SLC5A5: variants seen among roughly 807,000 people sequenced by gnomAD.
The protein encoded by SLC5A5 is sodium/iodide cotransporter.
SLC5A5 carries 56 observed loss-of-function variants against 68.6 expected under a neutral mutation model. The ratio of observed to expected loss-of-function variants is 0.82; its 90% CI spans 0.66 to 1.02. The LOEUF (loss-of-function observed/expected upper bound fraction) is 1.02. SLC5A5 is among the 50% of genes least tolerant of loss of function. SLC5A5 has a pLI of 0.00. For missense variants in SLC5A5, 807 were observed against 859.8 expected (o/e 0.94, Z 0.77); for synonymous variants, 398 against 373.0 (o/e 1.07, Z -0.77).
In SLC5A5 at chr19:17,883,784, C is replaced by T; in HGVS notation, c.1329+17C>T. On this transcript the variant is annotated intron_variant, in intron 11 of 14. Coordinates refer to ENST00000222248, the MANE Select transcript of SLC5A5 (RefSeq NM_000453.3). ...AACACACCGGTGAGTGGGGGCGGGG[C>T]AAGGGGCGGGGAGGGGCGGGGCCGG... is the stretch of plus-strand genomic sequence containing the variant. 8.9e-7 allele frequency: 1 copy of T among 1,119,458 alleles called. No homozygotes were observed. The highest frequency in any genetic ancestry group is 1.3e-6 in the Non-Finnish European group (1 of 775,190). 69.3% of individuals were successfully genotyped at this position (1,119,458 alleles called of 1,614,324 possible).
intron 1 of SLC5A5, among the ~76,000 whole-genome samples, chr19:17,873,527 G>T (rs958862720): frequency 1.2e-4 from 18 of 150,184 alleles, no homozygotes; most frequent in Non-Finnish European, 8.9e-5. Flanking sequence ...GGAGGCCGAG[G>T]TGGGTGGATC....
intron 8 of SLC5A5, 67 bp downstream of exon 8, chr19:17,881,020 C>T: frequency 8.5e-7 from 1 of 1,178,594 alleles, no homozygotes; most frequent in Non-Finnish European, 1.3e-6. Context: ...CCTGGCCTGC[C>T]ATCCCTCTGG....
Position 17,872,424 on chromosome 19 carries a change from G to T in SLC5A5, c.105G>T (p.Gly35=). The T allele has an allele frequency of 1.2e-6, 2 of 1,608,530 alleles. No individual in the cohort carries two copies. The highest frequency in any genetic ancestry group is 1.7e-6 in the Non-Finnish European group (2 of 1,177,496). ...CCACTGGCATCGGGCTGTGGGTCGG[G>T]CTGGCTCGGGGCGGGCAGCGCAGCG... ...LVSTGIGLWV[G]LARGGQRSAE... is the part of the protein sequence containing the mutation. Residue 35 remains glycine (G), a synonymous_variant, in exon 1 of 15, where the codon GGG becomes GGT. Coordinates refer to ENST00000222248, the MANE Select transcript of SLC5A5 (RefSeq NM_000453.3).
intron 8 of SLC5A5, 111 bp from the exon 9 acceptor site, chr19:17,881,849 G>A: frequency 1.3e-6 from 1 of 784,972 alleles, no homozygotes. Context: ...ACCTTTGCAG[G>A]ACTGGGTTAC....
chr19:17,890,924 T>C lies in SLC5A5; in HGVS notation c.1690T>C (p.Trp564Arg). Residue 564 changes from tryptophan to arginine, a missense_variant, in exon 14 of 15, where the codon TGG becomes CGG. Trp to Arg is a moderately radical substitution (Grantham distance 101). Coordinates refer to ENST00000222248, the MANE Select transcript of SLC5A5 (RefSeq NM_000453.3). Reference protein sequence around the residue: ...KRSTLAPGLLWWDLARQTASV... With the variant: ...KRSTLAPGLLRWDLARQTASV... ...CAGCACCCTGGCCCCGGGATTGTTG[T>C]GGTGGGACCTCGCACGGCAGACAGC... The C allele has an allele frequency of 1.9e-6, 3 of 1,614,092 alleles. No homozygotes were observed. Among genetic ancestry groups the C allele is most frequent in the Non-Finnish European group, 2.5e-6 (3 of 1,179,994 alleles).
rs758098569 is a variant in SLC5A5, at chr19:17,888,316, T to C, written c.1527-15T>C. 6.2e-7 allele frequency: 1 copy of C among 1,613,532 alleles called. No homozygotes were observed. The highest frequency in any genetic ancestry group is 2.2e-5 in the East Asian group (1 of 44,850). ...ATAAAAGAGGAGGTTCAAGTCTGTC[T>C]CTCCCAACCTGCAGCTCAGGAATGG... On this transcript the variant is annotated splice_polypyrimidine_tract_variant and intron_variant, in intron 12 of 14. Coordinates refer to ENST00000222248, the MANE Select transcript of SLC5A5 (RefSeq NM_000453.3).
In SLC5A5 at chr19:17,886,082, A is replaced by G. The variant is rs139224974; in HGVS notation, c.1526+2036A>G. ...CACCATATTGATCAGGCTGGTCTTG[A>G]ACTCCTGACCTCAGGAGATCCACAC... On this transcript the variant is annotated intron_variant, in intron 12 of 14. Coordinates refer to ENST00000222248, the MANE Select transcript of SLC5A5 (RefSeq NM_000453.3). 5.4e-3 allele frequency among the ~76,000 whole-genome samples: 744 copies of G among 137,996 alleles called. 14 individuals are homozygous for G. Among genetic ancestry groups the G allele is most frequent in the East Asian group, 0.054 (248 of 4,608 alleles). 90.5% of individuals were successfully genotyped at this position (137,996 alleles called of 152,430 possible).
intron 8 of SLC5A5, among the ~76,000 whole-genome samples, chr19:17,881,266 T>G (rs919258334): frequency 3.9e-5 from 5 of 128,742 alleles, no homozygotes; most frequent in African/African-American, 6.5e-5. Flanking sequence ...GCAGGTACTG[T>G]TTTTTTTTGT....
intron 2 of SLC5A5, 58 bp from the exon 3 acceptor site, chr19:17,874,436 C>T (rs1016481490): frequency 8.2e-5 from 127 of 1,540,794 alleles, no homozygotes; most frequent in Non-Finnish European, 1.0e-4. Flanking sequence ...CCTCCTCTCC[C>T]CATCCCCAAC....
At chr19:17,890,190 C>A (rs1026297028) in intron 13 of SLC5A5, among the ~76,000 whole-genome samples, 4 of 152,124 alleles carry the variant, frequency 2.6e-5, no homozygotes, top group Non-Finnish European at 5.9e-5. Flanking sequence ...CTTACCTCAG[C>A]CTCCCGAGTA....
intron 13 of SLC5A5, among the ~76,000 whole-genome samples, chr19:17,889,413 A>AGAAGGACGGAAGGAAGGAAGGAAG (rs2030066491): frequency 7.3e-6 from 1 of 137,608 alleles, no homozygotes; most frequent in African/African-American, 3.1e-5. Flanking sequence ...AAAGAAAGAA[A>AGAAGGACGGAAGGAAGGAAGGAAG]GAAGGAAGGA....
At position 17,884,063 on chromosome 19, in the gene SLC5A5, G is replaced by A. The variant is rs1307351260; in HGVS notation, c.1526+17G>A. 15 of 1,547,126 alleles carry A rather than the reference G, an allele frequency of 9.7e-6. No homozygotes were observed. In the Admixed American group the frequency reaches 2.3e-4, roughly 24 times the overall value. ...GGCCCCCAGGTGAGCAGACTTGAGG[G>A]TAGGGGGGTACCCGAGCCCTGGATG... On this transcript the variant is annotated intron_variant, in intron 12 of 14. Transcript: ENST00000222248.
rs1253046448 is a variant in SLC5A5, at chr19:17,876,117, AT to A, written c.698+12del. On this transcript the variant is annotated intron_variant, in intron 5 of 14. Transcript: ENST00000222248. The stretch of plus-strand genomic sequence containing the variant: ...GATCAACCTCATGGAGTGAGTGAAA[AT>A]GCAGAGGATACTCCAGCAGGATGGG... 5 of 1,613,672 alleles carry A rather than the reference AT, an allele frequency of 3.1e-6. No individual in the cohort carries two copies. Among genetic ancestry groups the A allele is most frequent in the Non-Finnish European group, 8.5e-7 (1 of 1,179,880 alleles).
intron 4 of SLC5A5, among the ~76,000 whole-genome samples, chr19:17,875,091 C>T (rs376895392): frequency 2.0e-5 from 3 of 152,128 alleles, no homozygotes; most frequent in South Asian, 4.1e-4. Flanking sequence ...TAATGGCGGC[C>T]GGGCGCGGTG....
intron 7 of SLC5A5, among the ~76,000 whole-genome samples, chr19:17,880,288 C>T (rs2094317738): frequency 6.6e-6 from 1 of 150,998 alleles, no homozygotes; most frequent in African/African-American, 2.4e-5. Context: ...GATCTCCGCT[C>T]GCTGCAACCT....
intron 7 of SLC5A5, among the ~76,000 whole-genome samples, chr19:17,880,367 A>G (rs2094317904): frequency 6.6e-6 from 1 of 151,238 alleles, no homozygotes; most frequent in Non-Finnish European, 1.5e-5. Flanking sequence ...GGTGCCAACC[A>G]CCACACCCAG....
chr19:17,888,010 CT>C (rs1191024089), intron 12 of SLC5A5, among the ~76,000 whole-genome samples: 1 of 152,130 alleles, frequency 6.6e-6, no homozygotes, highest in African/African-American at 2.4e-5. Flanking sequence ...AGATTCCCAC[CT>C]ATGTTTTCTT....
intron 14 of SLC5A5, among the ~76,000 whole-genome samples, chr19:17,892,652 CAG>C (rs58081153): frequency 0.15 from 14,242 of 97,150 alleles, 970 homozygotes; most frequent in Admixed American, 0.26. Context: ...AAAGAAAAGA[CAG>C]AGAGAGAGAG....
intron 14 of SLC5A5, 107 bp downstream of exon 14, chr19:17,891,108 C>A: frequency 1.3e-6 from 1 of 763,328 alleles, no homozygotes; most frequent in South Asian, 1.4e-5. Context: ...CTCCATCGCT[C>A]ATTATCTCCA....
Sources: allele counts gnomAD v4.1 joint callset (sites outside exome capture counted in the v4.1 genomes callset), GRCh38; gene constraint gnomAD v4.1.1; transcripts MANE v1.5; gene names NCBI Gene and HGNC (gene_info 2026-07-23, HGNC 2026-07-21).